DISC1: variants seen among roughly 807,000 people sequenced by gnomAD.
The protein encoded by DISC1 is disrupted in schizophrenia 1 protein.
In DISC1, 57 loss-of-function variants were observed where a neutral mutation model predicts 84.5. That is an observed-to-expected ratio of 0.67 (90% CI 0.55 to 0.84). The LOEUF (loss-of-function observed/expected upper bound fraction) is 0.84, where lower values mean the gene tolerates loss of function less well. DISC1 is among the 40% of genes least tolerant of loss of function. The pLI, the probability that DISC1 is intolerant of heterozygous loss-of-function variation, is 0.00. For synonymous variants in DISC1, 411 were observed against 415.2 expected, an observed-to-expected ratio of 0.99 and a Z score of 0.12; for missense variants, 1,000 against 1,057.8, an observed-to-expected ratio of 0.95 and a Z score of 0.76.
intron 9 of DISC1, among the ~76,000 whole-genome samples, chr1:231,843,317 G>A (rs999799241): frequency 1.3e-5 from 2 of 152,190 alleles, no homozygotes; most frequent in Non-Finnish European, 1.5e-5. Flanking sequence ...TGGAGGAGTG[G>A]GGAGAGCTTC....
intron 9 of DISC1, among the ~76,000 whole-genome samples, chr1:231,850,320 C>T (rs2083799532): frequency 6.6e-6 from 1 of 152,250 alleles, no homozygotes; most frequent in South Asian, 2.1e-4. Context: ...CTACGACAGA[C>T]AGCCTTTAGT....
intron 10 of DISC1, among the ~76,000 whole-genome samples, chr1:232,004,516 T>G (rs1429785519): frequency 1.3e-5 from 2 of 151,970 alleles, no homozygotes; most frequent in Non-Finnish European, 2.9e-5. Flanking sequence ...GAAGAATAAA[T>G]GGAAAACTTG....
intron 4 of DISC1, among the ~76,000 whole-genome samples, chr1:231,766,403 G>A (rs1260032852): frequency 6.6e-6 from 1 of 150,706 alleles, no homozygotes; most frequent in Non-Finnish European, 1.5e-5. Flanking sequence ...GTTCAACACT[G>A]TGATAAGTGC....
chr1:231,869,894 T>C (rs1197831138), intron 9 of DISC1, among the ~76,000 whole-genome samples: 1 of 152,158 alleles, frequency 6.6e-6, no homozygotes, highest in Non-Finnish European at 1.5e-5. Flanking sequence ...TCATATTTTT[T>C]TCTAGATAAA....
chr1:231,856,165 A>G (rs2084256098), intron 9 of DISC1, among the ~76,000 whole-genome samples: 1 of 152,190 alleles, frequency 6.6e-6, no homozygotes, highest in African/African-American at 2.4e-5. Context: ...GGTGACCTTT[A>G]TGAGCTCTCG....
chr1:231,745,501 T>A, intron 3 of DISC1: 1 of 229,844 alleles, frequency 4.4e-6, no homozygotes, highest in Middle Eastern at 5.5e-4. Context: ...GGATTACAGG[T>A]ATGAGCCACC....
chr1:231,799,982 T>C, intron 7 of DISC1, 126 bp from the exon 8 acceptor site: 1 of 578,558 alleles, frequency 1.7e-6, no homozygotes, highest in Non-Finnish European at 3.0e-6. Flanking sequence ...GAACATTGTC[T>C]TCCAATTACT....
At chr1:232,022,311 C>CTT (rs764839678) in intron 11 of DISC1, among the ~76,000 whole-genome samples, 9 of 135,934 alleles carry the variant, frequency 6.6e-5, no homozygotes, top group Non-Finnish European at 9.6e-5. Context: ...ACCCATGGTT[C>CTT]TTTTTTTTTT....
At chr1:231,691,819 G>A (rs1267730236) in intron 1 of DISC1, among the ~76,000 whole-genome samples, 3 of 152,152 alleles carry the variant, frequency 2.0e-5, no homozygotes, top group South Asian at 2.1e-4. Context: ...CCCTCCTAAC[G>A]CCTGGCCACC....
intron 6 of DISC1, among the ~76,000 whole-genome samples, chr1:231,791,929 C>T (rs1392113355): frequency 6.6e-6 from 1 of 152,100 alleles, no homozygotes; most frequent in African/African-American, 2.4e-5. Flanking sequence ...AGGCCAGACA[C>T]CCCACTTCAA....
intron 9 of DISC1, among the ~76,000 whole-genome samples, chr1:231,930,260 A>T (rs1262494226): frequency 6.6e-6 from 1 of 152,110 alleles, no homozygotes; most frequent in African/African-American, 2.4e-5. Context: ...AGGGAAGTTT[A>T]GTGGGCTCAG....
At chr1:231,749,300 A>G (rs1171455852) in intron 3 of DISC1, among the ~76,000 whole-genome samples, 1 of 152,210 alleles carries the variant, frequency 6.6e-6, no homozygotes, top group Non-Finnish European at 1.5e-5. Context: ...CACTCTTCCA[A>G]ATGATCTGGA....
At chr1:231,723,323 G>A in intron 3 of DISC1, 1 of 985,912 alleles carries the variant, frequency 1.0e-6, no homozygotes, top group Non-Finnish European at 1.2e-6. Context: ...ACTGCAGGCA[G>A]AACATCTGGG....
At chr1:231,965,105 A>G (rs1200966724) in intron 10 of DISC1, among the ~76,000 whole-genome samples, 6 of 152,250 alleles carry the variant, frequency 3.9e-5, no homozygotes, top group Non-Finnish European at 7.3e-5. Flanking sequence ...TCTATTCTCT[A>G]TCAAGTATAT....
In DISC1 at chr1:232,040,810, A is replaced by G. The variant is rs187175205; in HGVS notation, c.*3979A>G. On this transcript the variant is annotated 3_prime_UTR_variant, in exon 13 of 13. Transcript: ENST00000439617. ...TCTAGGCTCAGACAGGCATCAACAA[A>G]CCTATTCACCCCACCATCATCCTGA... 2.6e-5 allele frequency: 4 copies of G among 152,098 alleles called. No individual in the cohort carries two copies. The highest frequency in any genetic ancestry group is 2.1e-4 in the South Asian group (1 of 4,800). 9.4% of individuals were successfully genotyped at this position (152,098 alleles called of 1,614,324 possible).
At chr1:231,886,807 CTT>C (rs1282163920) in intron 9 of DISC1, among the ~76,000 whole-genome samples, 6 of 140,150 alleles carry the variant, frequency 4.3e-5, no homozygotes, top group African/African-American at 5.3e-5. Context: ...TTCTTTCTTT[CTT>C]TCTTTCTTTC....
At chr1:231,974,506 T>C (rs1662504016) in intron 10 of DISC1, among the ~76,000 whole-genome samples, 2 of 152,176 alleles carry the variant, frequency 1.3e-5, no homozygotes. Context: ...CATAAGCAGA[T>C]CTTTTCACAT....
At chr1:231,854,873 T>C (rs2125910205) in intron 9 of DISC1, 1 of 429,782 alleles carries the variant, frequency 2.3e-6, no homozygotes, top group Non-Finnish European at 4.5e-6. Flanking sequence ...CCCGCCACCA[T>C]GCCTGGCTAA....
At chr1:231,702,340 A>G in intron 3 of DISC1, 1 of 1,053,226 alleles carries the variant, frequency 9.5e-7, no homozygotes, top group Non-Finnish European at 1.1e-6. Flanking sequence ...CCACTTGTTC[A>G]TAAAAAATAT....
Sources: allele counts gnomAD v4.1 joint callset (sites outside exome capture counted in the v4.1 genomes callset), GRCh38; gene constraint gnomAD v4.1.1; transcripts MANE v1.5; gene names NCBI Gene and HGNC (gene_info 2026-07-23, HGNC 2026-07-21).